The following ABL2 variants were observed in gnomAD, a reference collection of about 807,000 sequenced individuals.
ABL2 encodes ABL proto-oncogene 2, non-receptor tyrosine kinase.
In ABL2, 49 loss-of-function variants were observed where a neutral mutation model predicts 107.7. The observed-to-expected ratio is 0.45, with a 90% CI of 0.36 to 0.58. The LOEUF is 0.58. ABL2 is among the 20% of genes least tolerant of loss of function. The probability of loss-of-function intolerance (pLI) is 0.00; values close to 1 mark genes in which losing one functional copy is unlikely to be tolerated. For missense variants in ABL2, 1,245 were observed against 1,457.0 expected (o/e 0.85, Z 2.37); for synonymous variants, 549 against 548.6 (o/e 1.00, Z -0.01).
At chr1:179,210,757 G>T (rs898804352) in intron 1 of ABL2, among the ~76,000 whole-genome samples, 1 of 151,900 alleles carries the variant, frequency 6.6e-6, no homozygotes, top group Non-Finnish European at 1.5e-5. Flanking sequence ...GGGAGGCTGA[G>T]GCAGGAGAAT....
At chr1:179,160,612 T>A (rs999593017) in intron 1 of ABL2, among the ~76,000 whole-genome samples, 1 of 152,176 alleles carries the variant, frequency 6.6e-6, no homozygotes, top group Non-Finnish European at 1.5e-5. Flanking sequence ...ATATATTTTA[T>A]GATAAAAATT....
At position 179,106,051 on chromosome 1, in the gene ABL2, G is replaced by A. The variant is rs1319206132; in HGVS notation, c.*1667C>T. ...CAGTGTATCAATGACAGAGCCAGAA[G>A]AAAACTCAGTGCTCAATGTTGAATT... On this transcript the variant is annotated 3_prime_UTR_variant, in exon 12 of 12. Coordinates refer to ENST00000502732, the MANE Select transcript of ABL2 (RefSeq NM_007314.4). 4.6e-6 allele frequency: 1 copy of A among 217,214 alleles called. No homozygotes were observed. The highest frequency in any genetic ancestry group is 2.2e-5 in the African/African-American group (1 of 44,458). The allele number at this position is 217,214 out of a possible 1,614,324, so 13.5% of individuals were successfully genotyped here.
At position 179,126,068 on chromosome 1, in the gene ABL2, A is replaced by G. The variant is rs921783825; in HGVS notation, c.687+309T>C. Among the ~76,000 whole-genome samples, 11 of 152,218 alleles carry G rather than the reference A, an allele frequency of 7.2e-5. No individual in the cohort carries two copies. Among genetic ancestry groups the G allele is most frequent in the Non-Finnish European group, 1.0e-4 (7 of 68,026 alleles). ...AATGTTAACTGATAAACTCTATACC[A>G]GTGCACTGGGTGTATATTTGTGTAC... is the stretch of plus-strand genomic sequence containing the variant. On this transcript the variant is annotated intron_variant, in intron 4 of 11. Coordinates refer to ENST00000502732, the MANE Select transcript of ABL2 (RefSeq NM_007314.4). The surrounding 1 kb of genome is among the most constrained non-coding windows in gnomAD (Gnocchi z 4.4).
intron 3 of ABL2, among the ~76,000 whole-genome samples, chr1:179,130,152 G>A (rs922381457): frequency 6.6e-6 from 1 of 152,170 alleles, no homozygotes; most frequent in African/African-American, 2.4e-5. Flanking sequence ...GTGTTGCCCA[G>A]GCTGGTCTCA....
At chr1:179,209,237 G>A (rs1662141766) in intron 1 of ABL2, among the ~76,000 whole-genome samples, 1 of 152,180 alleles carries the variant, frequency 6.6e-6, no homozygotes, top group Admixed American at 6.5e-5. Flanking sequence ...GGAAAGGAAT[G>A]TCCTTATCTC....
intron 1 of ABL2, among the ~76,000 whole-genome samples, chr1:179,194,308 AG>A (rs1571292502): frequency 1.3e-5 from 2 of 152,334 alleles, no homozygotes; most frequent in East Asian, 3.9e-4. Context: ...CATCCTTAAT[AG>A]TTTCCTAACG....
intron 1 of ABL2, among the ~76,000 whole-genome samples, chr1:179,140,777 T>G (rs1657496495): frequency 6.6e-6 from 1 of 152,212 alleles, no homozygotes; most frequent in Non-Finnish European, 1.5e-5. Context: ...CTCATGCCTA[T>G]AATCTCAGCA....
chr1:179,174,124 C>G lies in ABL2; in HGVS notation c.158-40750G>C, dbSNP rs191239190. On this transcript the variant is annotated intron_variant, in intron 1 of 11. Transcript: ENST00000502732. ...CCAACATGGTGAAACTCTGTCTCTA[C>G]TAAAAATACAAAAAGTAGCTGGGCG... 2.5e-3 allele frequency among the ~76,000 whole-genome samples: 374 copies of G among 152,080 alleles called. 5 individuals carry two copies. Among genetic ancestry groups the G allele is most frequent in the African/African-American group, 8.8e-3 (364 of 41,494 alleles).
chr1:179,175,021 C>A (rs1659968342), intron 1 of ABL2, among the ~76,000 whole-genome samples: 1 of 151,090 alleles, frequency 6.6e-6, no homozygotes, highest in African/African-American at 2.4e-5. Context: ...TAGTGTCTTT[C>A]CCCCATGGAA....
chr1:179,210,300 ATT>A (rs1662193482), intron 1 of ABL2, among the ~76,000 whole-genome samples: 1 of 152,000 alleles, frequency 6.6e-6, no homozygotes, highest in Non-Finnish European at 1.5e-5. Flanking sequence ...GAGGTAAGGA[ATT>A]TGAGACCATC....
At chr1:179,132,566 T>G (rs887506467) in intron 2 of ABL2, among the ~76,000 whole-genome samples, 10 of 151,964 alleles carry the variant, frequency 6.6e-5, no homozygotes, top group Non-Finnish European at 1.3e-4. Context: ...AGATGGAGTT[T>G]CGCTCTTGTT....
intron 3 of ABL2, among the ~76,000 whole-genome samples, chr1:179,128,500 G>A (rs1485761420): frequency 1.3e-5 from 2 of 152,034 alleles, no homozygotes; most frequent in Admixed American, 6.6e-5. Context: ...AAAAGAATTG[G>A]TAATAACAGG....
intron 1 of ABL2, among the ~76,000 whole-genome samples, chr1:179,136,513 A>C (rs1422417433): frequency 6.6e-6 from 1 of 150,410 alleles, no homozygotes; most frequent in Non-Finnish European, 1.5e-5. Context: ...TGAAGGCAGC[A>C]TGCTCCTTAA....
intron 1 of ABL2, among the ~76,000 whole-genome samples, chr1:179,179,495 C>A (rs1343434209): frequency 3.3e-5 from 5 of 151,504 alleles, no homozygotes; most frequent in African/African-American, 9.7e-5. Flanking sequence ...CTAGGAAGAA[C>A]AGGCCCAGAG....
intron 1 of ABL2, among the ~76,000 whole-genome samples, chr1:179,197,983 G>A (rs1480597090): frequency 2.0e-5 from 3 of 151,884 alleles, no homozygotes; most frequent in African/African-American, 4.8e-5. Flanking sequence ...AGAGAAGCCT[G>A]GGAAACATGG....
intron 1 of ABL2, among the ~76,000 whole-genome samples, chr1:179,135,867 A>G (rs7555921): frequency 0.32 from 35,082 of 111,366 alleles, 6,301 homozygotes; most frequent in East Asian, 0.45. Flanking sequence ...CGCCCCGTCC[A>G]GGAGGTGAGG....
chr1:179,183,905 T>C, intron 1 of ABL2: 1 of 253,142 alleles, frequency 4.0e-6, no homozygotes, highest in South Asian at 5.5e-5. Flanking sequence ...CCTCCTGTTC[T>C]GAGACTGGAA....
chr1:179,147,181 CAAAAAAAAAAAAAA>C (rs58297805), intron 1 of ABL2, among the ~76,000 whole-genome samples: 3 of 50,528 alleles, frequency 5.9e-5, no homozygotes, highest in African/African-American at 7.6e-5. Context: ...CAGAGAAATG[CAAAAAAAAAAAAAA>C]AAAAAAAAAA....
chr1:179,114,861 C>A lies in ABL2; in HGVS notation c.1561+17G>T. 6.4e-7 allele frequency: 1 copy of A among 1,574,074 alleles called. No homozygotes were observed. Among genetic ancestry groups the A allele is most frequent in the Non-Finnish European group, 8.6e-7 (1 of 1,162,662 alleles). ...CTAGCTTATGCCTTCAAAATTAAAA[C>A]ATGCAAAAATACTCACATGCTCTCA... On this transcript the variant is annotated intron_variant, in intron 9 of 11. Coordinates refer to ENST00000502732, the MANE Select transcript of ABL2 (RefSeq NM_007314.4).
Sources: allele counts gnomAD v4.1 joint callset (sites outside exome capture counted in the v4.1 genomes callset), GRCh38; gene constraint gnomAD v4.1.1; non-coding constraint Gnocchi (gnomAD v3.1); transcripts MANE v1.5; gene names NCBI Gene and HGNC (gene_info 2026-07-23, HGNC 2026-07-21).